The following KLRG1 variants were observed in gnomAD, a reference collection of about 807,000 sequenced individuals.
KLRG1 encodes the protein killer cell lectin like receptor G1.
In KLRG1, 16 loss-of-function variants were observed where a neutral mutation model predicts 21.8. The observed-to-expected ratio is 0.73, with a 90% CI of 0.50 to 1.11. The LOEUF (loss-of-function observed/expected upper bound fraction) is 1.11, where lower values mean the gene tolerates loss of function less well. Ranked by LOEUF, KLRG1 falls within the 50% of genes most tolerant of loss-of-function variation. KLRG1 has a pLI of 0.00. For missense variants in KLRG1, 173 were observed against 218.3 expected (o/e 0.79, Z 1.31); for synonymous variants, 69 against 75.9 (o/e 0.91, Z 0.47).
At chr12:8,965,399 C>T (rs1005240937) in intron 1 of KLRG1, among the ~76,000 whole-genome samples, 2 of 152,194 alleles carry the variant, frequency 1.3e-5, no homozygotes, top group Middle Eastern at 3.2e-3. Flanking sequence ...GTCAAATTGT[C>T]CCTGTTTGCA....
chr12:9,068,944 C>T, the KLRG1 span: 1 of 743,948 alleles, frequency 1.3e-6, no homozygotes, highest in Non-Finnish European at 2.2e-6. Context: ...GCTTTATTAT[C>T]CTACAGCACA....
chr12:8,985,448 T>A (rs1946828031), upstream of KLRG1, among the ~76,000 whole-genome samples: 1 of 152,176 alleles, frequency 6.6e-6, no homozygotes, highest in African/African-American at 2.4e-5. Context: ...AATTCCGACA[T>A]TATCTACCTG....
At chr12:9,128,289 C>T in the KLRG1 span, 1 of 158,518 alleles carries the variant, frequency 6.3e-6, no homozygotes, top group African/African-American at 2.4e-5. Flanking sequence ...ATGCTGAAGC[C>T]TGGTCACCAG....
At chr12:9,018,202 T>C in the KLRG1 span, among the ~76,000 whole-genome samples, 1 of 152,108 alleles carries the variant, frequency 6.6e-6, no homozygotes, top group Non-Finnish European at 1.5e-5. Flanking sequence ...TCAGATCAGA[T>C]TTAATACAAT....
the KLRG1 span, among the ~76,000 whole-genome samples, chr12:9,082,833 G>T: frequency 6.6e-6 from 1 of 152,200 alleles, no homozygotes; most frequent in Admixed American, 6.5e-5. Context: ...CCAACAAACT[G>T]AGAAGTTTGA....
chr12:9,156,985 T>C, the KLRG1 span, among the ~76,000 whole-genome samples: 1 of 152,174 alleles, frequency 6.6e-6, no homozygotes, highest in African/African-American at 2.4e-5. Context: ...GCAGGTTTGT[T>C]ACATAGGTGT....
At chr12:9,026,730 C>T in the KLRG1 span, among the ~76,000 whole-genome samples, 709 of 152,044 alleles carry the variant, frequency 4.7e-3, 10 homozygotes, top group African/African-American at 0.016. Context: ...CTCTTTGAGG[C>T]ACATGCCACC....
At chr12:9,060,223 T>C in the KLRG1 span, among the ~76,000 whole-genome samples, 6 of 134,336 alleles carry the variant, frequency 4.5e-5, no homozygotes, top group East Asian at 6.8e-4. Context: ...GGGGCTTCAT[T>C]GTGTTAGCCA....
chr12:8,975,959 TA>T (rs1946651684), intron 1 of KLRG1, among the ~76,000 whole-genome samples: 1 of 152,160 alleles, frequency 6.6e-6, no homozygotes, highest in African/African-American at 2.4e-5. Flanking sequence ...TTCTTTTCTT[TA>T]TTTGATTTAT....
chr12:9,151,785 G>A, the KLRG1 span: 4 of 802,052 alleles, frequency 5.0e-6, no homozygotes, highest in Non-Finnish European at 5.9e-6. Context: ...AGAGAAGAAA[G>A]CTAATTGTTT....
intron 1 of KLRG1, among the ~76,000 whole-genome samples, chr12:8,954,349 A>G (rs1451995362): frequency 3.9e-5 from 6 of 152,166 alleles, no homozygotes; most frequent in East Asian, 1.9e-4. Flanking sequence ...AGTGTGTAAC[A>G]TAAGGACTAT....
At chr12:9,194,511 C>T in the KLRG1 span, among the ~76,000 whole-genome samples, 1 of 133,404 alleles carries the variant, frequency 7.5e-6, no homozygotes, top group South Asian at 2.3e-4. Context: ...GTCGCCCAGG[C>T]TGGAGTGCAG....
At chr12:8,967,716 T>TG (rs1205923090) in intron 1 of KLRG1, among the ~76,000 whole-genome samples, 2 of 152,110 alleles carry the variant, frequency 1.3e-5, no homozygotes, top group African/African-American at 4.8e-5. Context: ...CCAACAGAGC[T>TG]GGACCTTGTC....
the KLRG1 span, among the ~76,000 whole-genome samples, chr12:9,134,044 G>T: frequency 6.6e-6 from 1 of 152,120 alleles, no homozygotes; most frequent in Non-Finnish European, 1.5e-5. Flanking sequence ...TAGATTGTTG[G>T]GTTTAATGCT....
At chr12:9,022,419 T>G in the KLRG1 span, among the ~76,000 whole-genome samples, 2 of 152,222 alleles carry the variant, frequency 1.3e-5, no homozygotes, top group African/African-American at 4.8e-5. Flanking sequence ...AACATTGTTA[T>G]GTATATATGG....
intron 1 of KLRG1, among the ~76,000 whole-genome samples, chr12:8,971,435 CCA>C (rs1366869188): frequency 2.2e-4 from 33 of 152,028 alleles, no homozygotes; most frequent in Admixed American, 1.3e-3. Context: ...TATAGCCTCT[CCA>C]TTCTTGATAT....
chr12:8,990,632 A>G (rs570610134), intron 1 of KLRG1, among the ~76,000 whole-genome samples: 8 of 152,110 alleles, frequency 5.3e-5, no homozygotes, highest in Non-Finnish European at 8.8e-5. Flanking sequence ...TTAATTTCTA[A>G]GGAATAGAAA....
the KLRG1 span, chr12:9,128,376 G>C: frequency 2.7e-3 from 430 of 156,520 alleles, 2 homozygotes; most frequent in African/African-American, 9.9e-3. Flanking sequence ...GTCGCGGACC[G>C]GTGGCGTACC....
chr12:9,144,573 C>T, the KLRG1 span, among the ~76,000 whole-genome samples: 1 of 152,034 alleles, frequency 6.6e-6, no homozygotes, highest in African/African-American at 2.4e-5. Context: ...CAGTCAAAGA[C>T]AGGTTTATTT....
Sources: allele counts gnomAD v4.1 joint callset (sites outside exome capture counted in the v4.1 genomes callset), GRCh38; gene constraint gnomAD v4.1.1; transcripts MANE v1.5; gene names NCBI Gene and HGNC (gene_info 2026-07-23, HGNC 2026-07-21).